The following ZNHIT6 variants were observed in gnomAD, a reference collection of about 807,000 sequenced individuals.
The protein encoded by ZNHIT6 is zinc finger HIT-type containing 6.
ZNHIT6 carries 45 observed loss-of-function variants against 57.2 expected under a neutral mutation model. That is an observed-to-expected ratio of 0.79 (90% CI 0.62 to 1.01). The LOEUF is 1.01. Ranked by LOEUF, ZNHIT6 falls within the 50% of genes least tolerant of loss-of-function variation. The probability of loss-of-function intolerance (pLI) is 0.00; values close to 1 mark genes in which losing one functional copy is unlikely to be tolerated. For missense variants in ZNHIT6, 528 were observed against 567.3 expected, an observed-to-expected ratio of 0.93 and a Z score of 0.70; for synonymous variants, 188 against 190.0, an observed-to-expected ratio of 0.99 and a Z score of 0.09.
chr1:85,664,414 T>C (rs1319261577), intron 8 of ZNHIT6, among the ~76,000 whole-genome samples: 1 of 152,206 alleles, frequency 6.6e-6, no homozygotes. Context: ...GGTTCATTTT[T>C]ACATTGGCTA....
rs1660964422 is a variant in ZNHIT6 at position 85,653,312 on chromosome 1, C to T, written c.*746G>A. On this transcript the variant is annotated 3_prime_UTR_variant, in exon 10 of 10. Coordinates refer to ENST00000370574, the MANE Select transcript of ZNHIT6 (RefSeq NM_017953.4). ...CTCACAAGGGTAAGTTACATAAAAA[C>T]TCCAAAGAAGAAAGGGCAACTGATA... is the stretch of plus-strand genomic sequence containing the variant. The T allele has an allele frequency of 6.6e-6, 1 of 152,092 alleles. No individual in the cohort carries two copies. Among genetic ancestry groups the T allele is most frequent in the Non-Finnish European group, 1.5e-5 (1 of 68,038 alleles). The allele number at this position is 152,092 out of a possible 1,614,324, so 9.4% of individuals were successfully genotyped here. A position where few individuals can be genotyped will look rare whatever the true frequency, so the allele number is the denominator to read the frequency against.
intron 9 of ZNHIT6, among the ~76,000 whole-genome samples, chr1:85,655,558 T>A (rs764617165): frequency 1.3e-5 from 2 of 152,242 alleles, no homozygotes; most frequent in African/African-American, 2.4e-5. Context: ...ATGGGACATT[T>A]TCCCCTTTCT....
chr1:85,698,082 T>A (rs1039590589), intron 5 of ZNHIT6, among the ~76,000 whole-genome samples: 2 of 152,186 alleles, frequency 1.3e-5, no homozygotes, highest in Non-Finnish European at 2.9e-5. Context: ...TAACAGAGAA[T>A]GTCAACCTTG....
chr1:85,656,952 T>C (rs1382883658), intron 9 of ZNHIT6, among the ~76,000 whole-genome samples: 1 of 152,162 alleles, frequency 6.6e-6, no homozygotes, highest in Non-Finnish European at 1.5e-5. Context: ...CCATTTCAAA[T>C]ACTACTTAAA....
At chr1:85,687,275 C>T (rs1396785462) in intron 5 of ZNHIT6, among the ~76,000 whole-genome samples, 2 of 18,616 alleles carry the variant, frequency 1.1e-4, no homozygotes, top group Non-Finnish European at 3.2e-4. Context: ...AGTGAGAAGA[C>T]TATCTCAAAA....
In ZNHIT6 at chr1:85,653,371, T is replaced by C. The variant is rs890938018; in HGVS notation, c.*687A>G. ...GTTCTCCTGTGGCTAGACGGTGCGT[T>C]GTACAGCCTTTCCGTTTAGTGAGGT... is the stretch of plus-strand genomic sequence containing the variant. On this transcript the variant is annotated 3_prime_UTR_variant, in exon 10 of 10. Coordinates refer to ENST00000370574, the MANE Select transcript of ZNHIT6 (RefSeq NM_017953.4). 6.6e-6 allele frequency: 1 copy of C among 152,176 alleles called. No individual in the cohort carries two copies. Among genetic ancestry groups the C allele is most frequent in the East Asian group, 1.9e-4 (1 of 5,184 alleles). 9.4% of individuals were successfully genotyped at this position (152,176 alleles called of 1,614,324 possible). A position where few individuals can be genotyped will look rare whatever the true frequency, so the allele number is the denominator to read the frequency against.
intron 8 of ZNHIT6, 63 bp from the exon 9 acceptor site, chr1:85,658,034 T>C: frequency 8.8e-7 from 1 of 1,138,638 alleles, no homozygotes; most frequent in Non-Finnish European, 1.2e-6. Flanking sequence ...TACTAATAGA[T>C]AAATATATGA....
At chr1:85,669,303 T>C (rs775926366) in intron 8 of ZNHIT6, among the ~76,000 whole-genome samples, 5 of 152,054 alleles carry the variant, frequency 3.3e-5, no homozygotes, top group Non-Finnish European at 5.9e-5. Flanking sequence ...AAAAAGGAGA[T>C]AGGAAAAAGC....
chr1:85,675,330 C>T (rs1661672640), intron 8 of ZNHIT6, among the ~76,000 whole-genome samples: 1 of 152,198 alleles, frequency 6.6e-6, no homozygotes, highest in Non-Finnish European at 1.5e-5. Flanking sequence ...CCTTTAAGGT[C>T]CTCACTCTAA....
intron 9 of ZNHIT6, among the ~76,000 whole-genome samples, chr1:85,656,040 A>C (rs1336395415): frequency 6.6e-6 from 1 of 152,168 alleles, no homozygotes; most frequent in Non-Finnish European, 1.5e-5. Context: ...AGAGGGAAGG[A>C]ATTTCAAGGC....
intron 5 of ZNHIT6, among the ~76,000 whole-genome samples, chr1:85,683,651 CTTGT>C (rs1661943138): frequency 6.6e-6 from 1 of 151,950 alleles, no homozygotes. Flanking sequence ...AAGAATTAAG[CTTGT>C]TTCTCATTTT....
At chr1:85,676,577 C>A (rs529435160) in intron 8 of ZNHIT6, among the ~76,000 whole-genome samples, 1 of 152,142 alleles carries the variant, frequency 6.6e-6, no homozygotes, top group Admixed American at 6.6e-5. Context: ...CACTCACAGG[C>A]CATTGTGTGG....
At position 85,706,288 on chromosome 1, in the gene ZNHIT6, T is replaced by C. The variant is rs1351150955; in HGVS notation, c.790A>G (p.Ile264Val). ...ATTTCAGTAAACTGTTGTATTGAAA[T>C]GTATGCAGTTTTATCTCGAACTCCA... The part of the protein sequence containing the change: ...CNGVRDKTAY[I>V]SIQQFTEMNL... Residue 264 changes from isoleucine (I) to valine (V), a missense_variant, in exon 3 of 10, where the codon ATT (isoleucine) becomes GTT (valine). Transcript: ENST00000370574. The C allele has an allele frequency of 1.2e-6, 2 of 1,612,632 alleles. No homozygotes were observed. Among genetic ancestry groups the C allele is most frequent in the African/African-American group, 2.7e-5 (2 of 74,922 alleles).
chr1:85,708,246 T>TC lies in ZNHIT6; in HGVS notation c.38dup (p.Gly14ArgfsTer7), dbSNP rs1224401971. 6.2e-7 allele frequency: 1 copy of TC among 1,605,936 alleles called. No homozygotes were observed. ...CCCCCTCAGCTACGCTGTGGAGACC[T>TC]CCCCCAGACTTCCCTTCATTTTCAG... On this transcript the variant is annotated frameshift_variant, in exon 1 of 10. Transcript: ENST00000370574. LOFTEE classifies it high-confidence loss of function.
chr1:85,694,485 G>A (rs981341795), intron 5 of ZNHIT6, among the ~76,000 whole-genome samples: 7 of 147,182 alleles, frequency 4.8e-5, no homozygotes, highest in South Asian at 2.1e-4. Flanking sequence ...TTTTTGAGAC[G>A]GAGTCTCGCT....
At chr1:85,673,356 G>A (rs1483576797) in intron 8 of ZNHIT6, among the ~76,000 whole-genome samples, 3 of 152,134 alleles carry the variant, frequency 2.0e-5, no homozygotes, top group Non-Finnish European at 4.4e-5. Context: ...GATCAGTAGC[G>A]AATTCCTTAG....
At chr1:85,683,256 C>A (rs551684075) in intron 5 of ZNHIT6, among the ~76,000 whole-genome samples, 1 of 152,002 alleles carries the variant, frequency 6.6e-6, no homozygotes, top group Non-Finnish European at 1.5e-5. Context: ...AGGTGGCTCA[C>A]GCCTCTAATC....
chr1:85,700,506 G>C (rs973214548), intron 5 of ZNHIT6, among the ~76,000 whole-genome samples: 1 of 151,808 alleles, frequency 6.6e-6, no homozygotes, highest in African/African-American at 2.4e-5. Context: ...ATTAAACCTG[G>C]AAAATATACT....
intron 5 of ZNHIT6, among the ~76,000 whole-genome samples, chr1:85,684,686 A>G (rs1469410416): frequency 6.6e-6 from 1 of 152,244 alleles, no homozygotes; most frequent in Non-Finnish European, 1.5e-5. Context: ...GTTAAGGATC[A>G]GTCTCTCCGT....
Sources: allele counts gnomAD v4.1 joint callset (sites outside exome capture counted in the v4.1 genomes callset), GRCh38; gene constraint gnomAD v4.1.1; transcripts MANE v1.5; gene names NCBI Gene and HGNC (gene_info 2026-07-23, HGNC 2026-07-21).